The following SPOCK3 variants were observed in gnomAD, a reference collection of about 807,000 sequenced individuals.
SPOCK3 encodes the protein testican-3.
Under a neutral mutation model 56.6 loss-of-function variants are expected in SPOCK3, and 30 were observed. The observed-to-expected ratio is 0.53, with a 90% CI of 0.40 to 0.72. The LOEUF (loss-of-function observed/expected upper bound fraction) is 0.72. Among genes scored for constraint, SPOCK3 ranks in the 30% least tolerant of loss-of-function variants. The pLI is 0.00. For synonymous variants in SPOCK3, 196 were observed against 183.3 expected (o/e 1.07, Z -0.56); for missense variants, 527 against 530.0 (o/e 0.99, Z 0.06).
chr4:166,946,157 A>C (rs1299275066), intron 4 of SPOCK3, among the ~76,000 whole-genome samples: 1 of 152,124 alleles, frequency 6.6e-6, no homozygotes, highest in African/African-American at 2.4e-5. Flanking sequence ...AAAATGTCCC[A>C]GTTTGGAGAG....
chr4:167,165,457 A>G (rs1233616427), intron 2 of SPOCK3, among the ~76,000 whole-genome samples: 1 of 152,176 alleles, frequency 6.6e-6, no homozygotes, highest in African/African-American at 2.4e-5. Context: ...ATATGAAAAA[A>G]AGCTTATCAT....
chr4:167,206,981 A>G (rs778818509), intron 2 of SPOCK3, among the ~76,000 whole-genome samples: 1 of 152,060 alleles, frequency 6.6e-6, no homozygotes. Flanking sequence ...AAAACGATAA[A>G]TGTTTGAGAT....
rs891114744 is a variant in SPOCK3 at position 166,921,985 on chromosome 4, C to A, written c.351-9242G>T. Among the ~76,000 whole-genome samples the A allele has an allele frequency of 4.6e-5, 7 of 152,132 alleles. No individual in the cohort carries two copies. The East Asian group carries it at 5.8e-4, about 13-fold the overall frequency. On this transcript the variant is annotated intron_variant, in intron 4 of 10. Coordinates refer to ENST00000357545, the MANE Select transcript of SPOCK3 (RefSeq NM_001040159.2). ...CCAGTAGCCGTCACCTGTTAGGAAC[C>A]GGGCTGCACAGTAGGAGGTAAGCAA... is the stretch of plus-strand genomic sequence containing the variant.
At chr4:166,952,188 T>C (rs1171670244) in intron 4 of SPOCK3, among the ~76,000 whole-genome samples, 2 of 152,104 alleles carry the variant, frequency 1.3e-5, no homozygotes, top group African/African-American at 2.4e-5. Context: ...AAATCCCCAT[T>C]GTCTCAGCCC....
Position 166,884,243 on chromosome 4 carries a change from C to T in SPOCK3, c.589+4887G>A, listed in dbSNP as rs572963072. 7.2e-5 allele frequency among the ~76,000 whole-genome samples: 11 copies of T among 152,060 alleles called. No homozygotes were observed. The South Asian group carries it at 2.3e-3, about 32-fold the overall frequency. On this transcript the variant is annotated intron_variant, in intron 6 of 10. Coordinates refer to ENST00000357545, the MANE Select transcript of SPOCK3 (RefSeq NM_001040159.2). ...TGGCTGGCACCTGTTGTCCCAGCTA[C>T]TCGGGAGGCTGAGGCAGGAGGATGG...
chr4:166,843,017 G>T (rs1747625773), intron 6 of SPOCK3, among the ~76,000 whole-genome samples: 2 of 152,240 alleles, frequency 1.3e-5, no homozygotes, highest in Non-Finnish European at 2.9e-5. Flanking sequence ...TGTCCCCAGT[G>T]GGCCGGCGCT....
rs1012461272 is a variant in SPOCK3, at chr4:167,010,079, G to T, written c.236-9616C>A. On this transcript the variant is annotated intron_variant, in intron 3 of 10. Transcript: ENST00000357545. ...GCAAAGAAATAAACAATAAGTGGGT[G>T]GGGGGAGTAAATTGAAAGCAACCAA... Among the ~76,000 whole-genome samples, 3 of 152,028 alleles carry T rather than the reference G, an allele frequency of 2.0e-5. No individual in the cohort carries two copies. In the South Asian group the frequency reaches 6.2e-4, roughly 32 times the overall value.
At chr4:167,205,488 TA>T (rs1734142227) in intron 2 of SPOCK3, among the ~76,000 whole-genome samples, 1 of 55,794 alleles carries the variant, frequency 1.8e-5, no homozygotes, top group Non-Finnish European at 3.0e-5. Context: ...ATATAATATA[TA>T]ATATATAATA....
intron 4 of SPOCK3, chr4:166,918,534 T>TA (rs972390193): frequency 2.0e-5 from 3 of 152,062 alleles, no homozygotes; most frequent in Admixed American, 1.3e-4. Context: ...AATGTTGCTA[T>TA]AAAAAATGGA....
chr4:166,828,724 A>G (rs1004973732), intron 6 of SPOCK3, among the ~76,000 whole-genome samples: 1 of 152,084 alleles, frequency 6.6e-6, no homozygotes, highest in African/African-American at 2.4e-5. Flanking sequence ...ATTTTAACAC[A>G]TTAAGAACAA....
At chr4:166,918,143 T>C (rs994250257) in intron 4 of SPOCK3, among the ~76,000 whole-genome samples, 2 of 152,182 alleles carry the variant, frequency 1.3e-5, no homozygotes, top group Non-Finnish European at 2.9e-5. Context: ...CTACTTTTAT[T>C]ACATTTTGCC....
At chr4:166,800,733 A>T (rs1742495341) in intron 6 of SPOCK3, among the ~76,000 whole-genome samples, 1 of 152,236 alleles carries the variant, frequency 6.6e-6, no homozygotes. Context: ...AAGTTTATAA[A>T]GTAAAAAAGT....
chr4:167,013,115 AAGG>A lies in SPOCK3; in HGVS notation c.236-12655_236-12653del, dbSNP rs537458225. On this transcript the variant is annotated intron_variant, in intron 3 of 10. Transcript: ENST00000357545. ...TCCCCATTGCAAATATGAAATGTGA[AAGG>A]CTACCTATTAGCAGATTTTGATGCA... Among the ~76,000 whole-genome samples the A allele has an allele frequency of 3.3e-3, 495 of 152,142 alleles. 4 individuals carry two copies. The highest frequency in any genetic ancestry group is 0.011 in the African/African-American group (463 of 41,572).
chr4:166,766,661 T>C (rs1311059715), intron 7 of SPOCK3, among the ~76,000 whole-genome samples: 2 of 152,208 alleles, frequency 1.3e-5, no homozygotes, highest in Non-Finnish European at 2.9e-5. Context: ...TTTTTTGCTG[T>C]GTCTCTGCCA....
At chr4:167,108,955 TTA>T (rs200763384) in intron 2 of SPOCK3, among the ~76,000 whole-genome samples, 21 of 67,578 alleles carry the variant, frequency 3.1e-4, no homozygotes, top group Admixed American at 2.7e-3. Flanking sequence ...ATTATAAATA[TTA>T]TATATATAAA....
chr4:167,157,518 G>A (rs1244754341), intron 2 of SPOCK3, among the ~76,000 whole-genome samples: 1 of 151,524 alleles, frequency 6.6e-6, no homozygotes, highest in East Asian at 1.9e-4. Flanking sequence ...GGTAGTTGGG[G>A]TGGGAGTTTC....
chr4:167,010,624 A>G (rs1749944427), intron 3 of SPOCK3, among the ~76,000 whole-genome samples: 1 of 152,102 alleles, frequency 6.6e-6, no homozygotes, highest in South Asian at 2.1e-4. Flanking sequence ...TATTAAATGT[A>G]TATATAGCAC....
At chr4:166,839,070 T>C (rs916351919) in intron 6 of SPOCK3, among the ~76,000 whole-genome samples, 1 of 152,156 alleles carries the variant, frequency 6.6e-6, no homozygotes, top group Admixed American at 6.5e-5. Context: ...GTTGGAATGA[T>C]GAGCAGCTTC....
At chr4:166,872,222 T>C (rs1732564453) in intron 6 of SPOCK3, among the ~76,000 whole-genome samples, 1 of 151,980 alleles carries the variant, frequency 6.6e-6, no homozygotes, top group Admixed American at 6.6e-5. Context: ...GAATGAGTAA[T>C]AGAATATGTA....
Sources: gnomAD v4.1 joint callset for allele counts (sites outside exome capture counted in the v4.1 genomes callset) on GRCh38, gnomAD v4.1.1 for gene constraint, MANE v1.5 for transcripts, NCBI Gene and HGNC (gene_info 2026-07-23, HGNC 2026-07-21) for gene names.